Variants in ACBD6 observed in about 807,000 individuals in gnomAD.
The protein encoded by ACBD6 is acyl-CoA-binding domain-containing protein 6.
ACBD6 carries 28 observed loss-of-function variants against 37.2 expected under a neutral mutation model. The observed-to-expected ratio is 0.75, with a 90% CI of 0.56 to 1.03. The LOEUF (loss-of-function observed/expected upper bound fraction) is 1.03. Ranked by LOEUF, ACBD6 falls within the 50% of genes least tolerant of loss-of-function variation. The pLI is 0.00. For synonymous variants in ACBD6, 113 were observed against 126.8 expected (o/e 0.89, Z 0.73); for missense variants, 340 against 337.4 (o/e 1.01, Z -0.06).
rs1215235884 is a variant in ACBD6, at chr1:180,492,190, T to C, written c.384+79A>G. Reference sequence around the variant, plus strand: ...AAACTTTAAGCATGTTACTTAAAACTAAGTTTAGTTTTAGACATTTATTTC... The same window carrying C: ...AAACTTTAAGCATGTTACTTAAAACCAAGTTTAGTTTTAGACATTTATTTC... On this transcript the variant is annotated intron_variant, in intron 3 of 7. Transcript: ENST00000367595. 3 of 1,052,574 alleles carry C rather than the reference T, an allele frequency of 2.9e-6. No homozygotes were observed. In the African/African-American group the frequency reaches 4.8e-5, roughly 17 times the overall value. The allele number at this position is 1,052,574 out of a possible 1,614,324, so 65.2% of individuals were successfully genotyped here.
chr1:180,468,241 G>C (rs1258487898), intron 3 of ACBD6, among the ~76,000 whole-genome samples: 1 of 152,188 alleles, frequency 6.6e-6, no homozygotes, highest in Non-Finnish European at 1.5e-5. Context: ...TTCTGGGCTT[G>C]CTAGGTAATT....
intron 3 of ACBD6, chr1:180,435,026 T>C: frequency 1.0e-6 from 1 of 966,778 alleles, no homozygotes; most frequent in Non-Finnish European, 1.7e-6. Flanking sequence ...ACACCGACAA[T>C]ACACTAGGCA....
At chr1:180,459,083 T>TATTATA (rs1170315684) in intron 3 of ACBD6, among the ~76,000 whole-genome samples, 1 of 152,200 alleles carries the variant, frequency 6.6e-6, no homozygotes, top group Admixed American at 6.6e-5. Flanking sequence ...AAATAATTCA[T>TATTATA]ATTATAAAGC....
At chr1:180,488,104 TGTG>T (rs1438322286) in intron 3 of ACBD6, among the ~76,000 whole-genome samples, 2 of 120,574 alleles carry the variant, frequency 1.7e-5, no homozygotes, top group Non-Finnish European at 3.3e-5. Flanking sequence ...GTGTGTGTGT[TGTG>T]TGTGTGTGTG....
chr1:180,406,694 C>T (rs1041275205), intron 5 of ACBD6, among the ~76,000 whole-genome samples: 2 of 152,012 alleles, frequency 1.3e-5, no homozygotes, highest in African/African-American at 2.4e-5. Flanking sequence ...TCTTTATGTG[C>T]TCACAGCAAA....
Position 180,338,095 on chromosome 1 carries a change from G to A in ACBD6, c.664-23373C>T, listed in dbSNP as rs560499508. On this transcript the variant is annotated intron_variant, in intron 6 of 7. Transcript: ENST00000367595. ...AGGAAGAATCAATACCGTGAAAATG[G>A]CCATACTGCCCAAGGTAATTTATAG... Among the ~76,000 whole-genome samples, 5 of 152,230 alleles carry A rather than the reference G, an allele frequency of 3.3e-5. 1 individual carries two copies. In the South Asian group the frequency reaches 1.0e-3, roughly 32 times the overall value.
At chr1:180,477,150 G>A (rs1008607477) in intron 3 of ACBD6, among the ~76,000 whole-genome samples, 2 of 152,096 alleles carry the variant, frequency 1.3e-5, no homozygotes, top group African/African-American at 4.8e-5. Flanking sequence ...TATGGAGTGG[G>A]ACAGGAGAGA....
At chr1:180,395,041 A>G (rs1341800360) in intron 6 of ACBD6, among the ~76,000 whole-genome samples, 1 of 152,236 alleles carries the variant, frequency 6.6e-6, no homozygotes, top group Non-Finnish European at 1.5e-5. Context: ...ACAGGCAGAG[A>G]ACAAAAAGTG....
chr1:180,311,269 CAA>C (rs1402180693), intron 7 of ACBD6, among the ~76,000 whole-genome samples: 3 of 152,140 alleles, frequency 2.0e-5, no homozygotes, highest in African/African-American at 7.2e-5. Flanking sequence ...GAGGAAATGA[CAA>C]AAACATGAAG....
At chr1:180,282,972 G>GTTTTTTTTTT (rs34828086) in intron 8 of ACBD6, among the ~76,000 whole-genome samples, 7 of 110,016 alleles carry the variant, frequency 6.4e-5, no homozygotes, top group Non-Finnish European at 1.1e-4. Context: ...ATGTCTTTCT[G>GTTTTTTTTTT]TTTTTTTTTT....
chr1:180,348,690 G>T (rs1393326837), intron 6 of ACBD6, among the ~76,000 whole-genome samples: 2 of 152,150 alleles, frequency 1.3e-5, no homozygotes, highest in Admixed American at 6.5e-5. Context: ...TAAATTGTAA[G>T]CCTGCCCCTC....
chr1:180,274,218 A>C, intron 10 of ACBD6: 6 of 1,614,206 alleles, frequency 3.7e-6, no homozygotes, highest in Non-Finnish European at 5.1e-6. Flanking sequence ...GGCCACACCA[A>C]TAGGATTTAT....
intron 5 of ACBD6, among the ~76,000 whole-genome samples, chr1:180,410,668 A>T (rs1236561036): frequency 6.6e-6 from 1 of 152,200 alleles, no homozygotes; most frequent in Non-Finnish European, 1.5e-5. Context: ...CTCAGGAAAA[A>T]AAAAAACATT....
intron 5 of ACBD6, among the ~76,000 whole-genome samples, chr1:180,398,761 T>C (rs558759803): frequency 1.1e-4 from 17 of 152,328 alleles, no homozygotes; most frequent in Non-Finnish European, 2.4e-4. Flanking sequence ...TCTGAATAAA[T>C]GAGTGATGCA....
intron 6 of ACBD6, among the ~76,000 whole-genome samples, chr1:180,387,811 T>G (rs952294229): frequency 6.6e-6 from 1 of 152,192 alleles, no homozygotes; most frequent in Non-Finnish European, 1.5e-5. Flanking sequence ...GCTTTTCTTA[T>G]CTGCACCCAT....
intron 7 of ACBD6, among the ~76,000 whole-genome samples, chr1:180,300,066 C>A (rs1014645569): frequency 6.6e-6 from 1 of 152,136 alleles, no homozygotes; most frequent in Non-Finnish European, 1.5e-5. Context: ...GGATTTACAA[C>A]CTGCTTAAGG....
chr1:180,391,258 T>C (rs1353357828), intron 6 of ACBD6, among the ~76,000 whole-genome samples: 1 of 152,078 alleles, frequency 6.6e-6, no homozygotes, highest in Admixed American at 6.5e-5. Context: ...TGATCTTTGA[T>C]TAGACAATGA....
intron 6 of ACBD6, among the ~76,000 whole-genome samples, chr1:180,372,084 AAAC>A (rs2101916284): frequency 6.6e-6 from 1 of 152,234 alleles, no homozygotes; most frequent in East Asian, 1.9e-4. Flanking sequence ...GATGATGGAT[AAAC>A]AACAATATAC....
intron 6 of ACBD6, among the ~76,000 whole-genome samples, chr1:180,383,444 T>C (rs1245517068): frequency 6.6e-6 from 1 of 151,742 alleles, no homozygotes; most frequent in Non-Finnish European, 1.5e-5. Context: ...TTACAATAGC[T>C]ATAAAAAAAA....
Sources: allele counts gnomAD v4.1 joint callset (sites outside exome capture counted in the v4.1 genomes callset), GRCh38; gene constraint gnomAD v4.1.1; transcripts MANE v1.5; gene names NCBI Gene and HGNC (gene_info 2026-07-23, HGNC 2026-07-21).